The following RPRD2 variants were observed in gnomAD, a reference collection of about 807,000 sequenced individuals.
RPRD2 encodes the protein regulation of nuclear pre-mRNA domain-containing protein 2.
Under a neutral mutation model 104.4 loss-of-function variants are expected in RPRD2, and 12 were observed. The ratio of observed to expected loss-of-function variants is 0.11; its 90% confidence interval spans 0.07 to 0.19. The LOEUF is 0.19. Among genes scored for constraint, RPRD2 ranks in the 10% least tolerant of loss-of-function variants. The pLI, the probability that RPRD2 is intolerant of heterozygous loss-of-function variation, is 1.00. For synonymous variants in RPRD2, 714 were observed against 684.9 expected (o/e 1.04, Z -0.66); for missense variants, 1,543 against 1,790.1 (o/e 0.86, Z 2.49).
chr1:150,430,049 A>G (rs925384322), intron 2 of RPRD2, among the ~76,000 whole-genome samples: 2 of 152,220 alleles, frequency 1.3e-5, no homozygotes, highest in Admixed American at 1.3e-4. Context: ...TTTTCTGTTT[A>G]GGCCACAAGG....
At chr1:150,398,432 G>A (rs1210897700) in intron 1 of RPRD2, among the ~76,000 whole-genome samples, 5 of 151,778 alleles carry the variant, frequency 3.3e-5, no homozygotes, top group African/African-American at 7.3e-5. Flanking sequence ...TCCTGACCTC[G>A]TGATCTGCCC....
At chr1:150,423,879 G>A (rs1320866515) in intron 2 of RPRD2, among the ~76,000 whole-genome samples, 4 of 150,768 alleles carry the variant, frequency 2.7e-5, no homozygotes, top group African/African-American at 4.9e-5. Context: ...TGCAACCTCC[G>A]CCTCCTGGGT....
At chr1:150,416,638 A>G (rs181813662) in intron 1 of RPRD2, among the ~76,000 whole-genome samples, 1 of 152,130 alleles carries the variant, frequency 6.6e-6, no homozygotes, top group Admixed American at 6.5e-5. Flanking sequence ...GGGAGGCCAA[A>G]GCAGGCAGAT....
chr1:150,405,769 A>G (rs1185506946), intron 1 of RPRD2, among the ~76,000 whole-genome samples: 3 of 152,188 alleles, frequency 2.0e-5, no homozygotes, highest in African/African-American at 7.2e-5. Flanking sequence ...TCTGAGTAGT[A>G]TAATGAAATC....
intron 1 of RPRD2, among the ~76,000 whole-genome samples, chr1:150,390,239 A>T (rs1235977507): frequency 6.6e-6 from 1 of 152,224 alleles, no homozygotes. Flanking sequence ...CACGCCTGTA[A>T]TCCCAGCACT....
intron 1 of RPRD2, among the ~76,000 whole-genome samples, chr1:150,385,827 G>T (rs1412636692): frequency 2.0e-5 from 3 of 152,156 alleles, no homozygotes; most frequent in African/African-American, 7.2e-5. Context: ...TGCCCTAATA[G>T]AAATCTGAAT....
At chr1:150,463,301 A>G (rs782365286) in intron 9 of RPRD2, among the ~76,000 whole-genome samples, 4 of 152,242 alleles carry the variant, frequency 2.6e-5, no homozygotes, top group South Asian at 4.1e-4. Flanking sequence ...TGTCCACTGC[A>G]CTCCAGCCTG....
chr1:150,451,674 CA>C (rs35644538), intron 7 of RPRD2, among the ~76,000 whole-genome samples: 66,608 of 106,694 alleles, frequency 0.62, 18,025 homozygotes, highest in African/African-American at 0.67. Flanking sequence ...GACTCCGTCT[CA>C]AAAAAAAAAA....
intron 1 of RPRD2, among the ~76,000 whole-genome samples, chr1:150,366,417 T>A (rs1190259346): frequency 6.6e-6 from 1 of 152,246 alleles, no homozygotes; most frequent in Non-Finnish European, 1.5e-5. Context: ...AATTAGTAGA[T>A]ACCGGACAGA....
chr1:150,398,173 T>C (rs1305689716), intron 1 of RPRD2, among the ~76,000 whole-genome samples: 1 of 134,106 alleles, frequency 7.5e-6, no homozygotes, highest in African/African-American at 2.9e-5. Context: ...CCTGGCTAAT[T>C]TTTGTGTTTT....
rs1292074740 is a variant in RPRD2, at chr1:150,472,344, C to T, written c.3396C>T (p.Ser1132=). 5 of 1,613,968 alleles carry T rather than the reference C, an allele frequency of 3.1e-6. No homozygotes were observed. Among genetic ancestry groups the T allele is most frequent in the Admixed American group, 1.7e-5 (1 of 60,012 alleles). ...CAAGGGTGGGTTGGTTTGATCTGAG[C>T]ACATCAGGTAGCTCTTTTGACAATG... ...EASRVGWFDL[S]TSGSSFDNGP... The change falls in exon 11 of 11, where the codon AGC becomes AGT. Residue 1132 remains serine (S), a synonymous_variant. Coordinates refer to ENST00000369068, the MANE Select transcript of RPRD2 (RefSeq NM_015203.5).
intron 9 of RPRD2, among the ~76,000 whole-genome samples, chr1:150,461,378 A>C (rs890912955): frequency 6.6e-6 from 1 of 152,228 alleles, no homozygotes; most frequent in South Asian, 2.1e-4. Context: ...TAAAAAAGTA[A>C]GTGTATTGCA....
intron 2 of RPRD2, among the ~76,000 whole-genome samples, chr1:150,420,740 C>G (rs1324549464): frequency 2.0e-5 from 3 of 152,050 alleles, no homozygotes; most frequent in Non-Finnish European, 4.4e-5. Flanking sequence ...GCACAAGAAT[C>G]GCTTGAACCT....
In RPRD2 at chr1:150,410,360, C is replaced by T. The variant is rs145246326; in HGVS notation, c.206-7236C>T. 5.3e-5 allele frequency among the ~76,000 whole-genome samples: 8 copies of T among 152,126 alleles called. No individual in the cohort carries two copies. The East Asian group carries it at 1.2e-3, about 22-fold the overall frequency. On this transcript the variant is annotated intron_variant, in intron 1 of 10. Transcript: ENST00000369068. ...TTCTGAGTTGAGATTAGACTGAAGC[C>T]AGGCAAAGGTAGAAGCAGGGAGACT...
At chr1:150,388,737 G>A (rs967190123) in intron 1 of RPRD2, among the ~76,000 whole-genome samples, 3 of 151,358 alleles carry the variant, frequency 2.0e-5, no homozygotes, top group African/African-American at 7.3e-5. Context: ...CTCCTGAGTA[G>A]CTGGGACTAC....
At chr1:150,390,166 A>G (rs1661956870) in intron 1 of RPRD2, among the ~76,000 whole-genome samples, 1 of 152,226 alleles carries the variant, frequency 6.6e-6, no homozygotes, top group Non-Finnish European at 1.5e-5. Flanking sequence ...ACAAACCCCA[A>G]AGACTTAAAC....
At chr1:150,401,482 C>T (rs982238843) in intron 1 of RPRD2, among the ~76,000 whole-genome samples, 26 of 151,308 alleles carry the variant, frequency 1.7e-4, no homozygotes, top group African/African-American at 6.0e-4. Flanking sequence ...AGCGAGACTC[C>T]GTCTCAAAAA....
Position 150,364,695 on chromosome 1 carries a change from C to G in RPRD2, c.-20C>G. 1.3e-6 allele frequency: 2 copies of G among 1,482,170 alleles called. No individual in the cohort carries two copies. Among genetic ancestry groups the G allele is most frequent in the Non-Finnish European group, 1.8e-6 (2 of 1,085,584 alleles). 91.8% of individuals were successfully genotyped at this position (1,482,170 alleles called of 1,614,324 possible). ...GCCGCCGCCGCCAGAGGAGCAGCAG[C>G]GCTTGTGCAAACCGGGAAGATGGCG... On this transcript the variant is annotated 5_prime_UTR_variant, in exon 1 of 11. Transcript: ENST00000369068.
At chr1:150,460,978 G>C (rs1667897971) in intron 9 of RPRD2, among the ~76,000 whole-genome samples, 1 of 151,978 alleles carries the variant, frequency 6.6e-6, no homozygotes, top group African/African-American at 2.4e-5. Context: ...ACCCATCTTG[G>C]CCTCCCAAAG....
Sources: allele counts gnomAD v4.1 joint callset (sites outside exome capture counted in the v4.1 genomes callset), GRCh38; gene constraint gnomAD v4.1.1; transcripts MANE v1.5; gene names NCBI Gene and HGNC (gene_info 2026-07-23, HGNC 2026-07-21).